ADAM12: variants seen among roughly 807,000 people sequenced by gnomAD.
ADAM12 encodes ADAM metallopeptidase domain 12, also known as disintegrin and metalloproteinase domain-containing protein 12.
Under a neutral mutation model 106.4 loss-of-function variants are expected in ADAM12, and 70 were observed. The observed-to-expected ratio is 0.66, with a 90% CI of 0.54 to 0.80. The LOEUF (loss-of-function observed/expected upper bound fraction) is 0.80, where lower values mean the gene tolerates loss of function less well. ADAM12 is among the 30% of genes least tolerant of loss of function. ADAM12 has a pLI of 0.00. For missense variants in ADAM12, 1,010 were observed against 1,171.9 expected, an observed-to-expected ratio of 0.86 and a Z score of 2.02; for synonymous variants, 420 against 433.5, an observed-to-expected ratio of 0.97 and a Z score of 0.39.
chr10:126,355,707 C>A (rs1330307417), intron 1 of ADAM12, among the ~76,000 whole-genome samples: 1 of 152,158 alleles, frequency 6.6e-6, no homozygotes, highest in Non-Finnish European at 1.5e-5. Context: ...CCCAGGAAGC[C>A]CACCTCAGTC....
intron 2 of ADAM12, among the ~76,000 whole-genome samples, chr10:126,316,286 C>T (rs1440239199): frequency 6.6e-6 from 1 of 152,102 alleles, no homozygotes; most frequent in Non-Finnish European, 1.5e-5. Flanking sequence ...AAAGGATTCT[C>T]AATAAATATT....
At chr10:126,224,541 A>C (rs1366316444) in intron 3 of ADAM12, among the ~76,000 whole-genome samples, 2 of 149,296 alleles carry the variant, frequency 1.3e-5, no homozygotes, top group East Asian at 4.1e-4. Flanking sequence ...ACTCTTGGGG[A>C]GGGGCCTGGG....
Position 126,015,786 on chromosome 10 carries a change from A to G in ADAM12, c.*1493T>C, listed in dbSNP as rs976960334. 1 of 152,246 alleles carries G rather than the reference A, an allele frequency of 6.6e-6. No homozygotes were observed. Among genetic ancestry groups the G allele is most frequent in the African/African-American group, 2.4e-5 (1 of 41,464 alleles). The allele number at this position is 152,246 out of a possible 1,614,324, so 9.4% of individuals were successfully genotyped here. ...AGAGTGAATTATGTAACTGTTGTCA[A>G]TTGTCTTCTAATGTGAAAACCAGTC... On this transcript the variant is annotated 3_prime_UTR_variant, in exon 23 of 23. Coordinates refer to ENST00000448723, the MANE Select transcript of ADAM12 (RefSeq NM_001288973.2).
chr10:126,358,104 G>A (rs969845424), intron 1 of ADAM12, among the ~76,000 whole-genome samples: 11 of 151,672 alleles, frequency 7.3e-5, no homozygotes, highest in African/African-American at 2.2e-4. Context: ...CATGAACCCC[G>A]GGGGGTGGAA....
chr10:126,278,683 G>C (rs974599062), intron 3 of ADAM12, among the ~76,000 whole-genome samples: 1 of 152,056 alleles, frequency 6.6e-6, no homozygotes, highest in African/African-American at 2.4e-5. Context: ...TAAAACATCA[G>C]AACTATGAAA....
Position 126,382,690 on chromosome 10 carries a change from T to G in ADAM12, c.88+5368A>C, listed in dbSNP as rs553571825. The stretch of plus-strand genomic sequence containing the variant: ...CTCTTTAATGCCCCGTTATTAAATA[T>G]CAACAGAGAGCCAAAAATCAGACAT... On this transcript the variant is annotated intron_variant, in intron 1 of 22. Transcript: ENST00000448723. Among the ~76,000 whole-genome samples, 407 of 152,260 alleles carry G rather than the reference T, an allele frequency of 2.7e-3. 2 individuals are homozygous for G. Among genetic ancestry groups the G allele is most frequent in the African/African-American group, 9.2e-3 (384 of 41,552 alleles).
chr10:126,089,844 T>TC (rs985753712), intron 11 of ADAM12, among the ~76,000 whole-genome samples: 2 of 152,106 alleles, frequency 1.3e-5, no homozygotes, highest in African/African-American at 2.4e-5. Context: ...CCTTTTGGCC[T>TC]CCCCCAAACC....
At chr10:126,167,912 A>G (rs529595819) in intron 3 of ADAM12, among the ~76,000 whole-genome samples, 1 of 152,304 alleles carries the variant, frequency 6.6e-6, no homozygotes, top group South Asian at 2.1e-4. Flanking sequence ...AAGTGTTAAG[A>G]AATGTGTTCA....
intron 1 of ADAM12, among the ~76,000 whole-genome samples, chr10:126,355,315 C>T (rs558109013): frequency 1.3e-5 from 2 of 152,298 alleles, no homozygotes; most frequent in South Asian, 4.1e-4. Context: ...AAATACATAT[C>T]TAAATCTCCG....
chr10:126,319,395 C>T (rs918355856), intron 2 of ADAM12, among the ~76,000 whole-genome samples: 2 of 152,152 alleles, frequency 1.3e-5, no homozygotes, highest in Non-Finnish European at 2.9e-5. Context: ...CAGTATGTCC[C>T]CTTGATATGG....
chr10:126,281,513 G>A (rs1483677438), intron 2 of ADAM12, among the ~76,000 whole-genome samples: 1 of 152,200 alleles, frequency 6.6e-6, no homozygotes, highest in Non-Finnish European at 1.5e-5. Context: ...ACATCTTGCA[G>A]AAGAACATAT....
At chr10:126,143,120 A>G (rs1353573458) in intron 4 of ADAM12, among the ~76,000 whole-genome samples, 1 of 150,286 alleles carries the variant, frequency 6.7e-6, no homozygotes, top group African/African-American at 2.5e-5. Flanking sequence ...ATGTGTGCAT[A>G]TGCATGTGTA....
intron 4 of ADAM12, among the ~76,000 whole-genome samples, chr10:126,150,704 T>C (rs1030055238): frequency 6.6e-6 from 1 of 152,204 alleles, no homozygotes; most frequent in Admixed American, 6.5e-5. Context: ...GAAATCTTCC[T>C]GTCTTCTGTC....
rs568995995 is a variant in ADAM12 at position 126,334,848 on chromosome 10, A to G, written c.89-4339T>C. On this transcript the variant is annotated intron_variant, in intron 1 of 22. Transcript: ENST00000448723. ...GAGACTGATGCAGCAGCTCTAAGACATACACAGTGAAGAGGGGACATCTTG... is the reference window on the plus strand; with the variant it reads ...GAGACTGATGCAGCAGCTCTAAGACGTACACAGTGAAGAGGGGACATCTTG... Among the ~76,000 whole-genome samples, 284 of 152,280 alleles carry G rather than the reference A, an allele frequency of 1.9e-3. 1 individual carries two copies. The highest frequency in any genetic ancestry group is 3.4e-3 in the Middle Eastern group (1 of 294).
chr10:126,035,311 TTTACCTCTCTAGAAC>T (rs1171486201), intron 21 of ADAM12, among the ~76,000 whole-genome samples: 4 of 152,160 alleles, frequency 2.6e-5, no homozygotes, highest in Non-Finnish European at 5.9e-5. Flanking sequence ...GGTCCCAAGA[TTTACCTCTCTAGAAC>T]TTTCTAACAG....
At chr10:126,112,327 T>C (rs189351745) in intron 6 of ADAM12, among the ~76,000 whole-genome samples, 8 of 151,182 alleles carry the variant, frequency 5.3e-5, no homozygotes, top group Non-Finnish European at 1.0e-4. Context: ...GTTTTGCACA[T>C]GTATCCTGTT....
At chr10:126,022,697 T>C (rs1398355657) in intron 21 of ADAM12, among the ~76,000 whole-genome samples, 1 of 152,232 alleles carries the variant, frequency 6.6e-6, no homozygotes, top group East Asian at 1.9e-4. Context: ...TCACCAAGCA[T>C]CATCTGAAGG....
At chr10:126,299,945 C>T (rs774859286) in intron 2 of ADAM12, among the ~76,000 whole-genome samples, 3 of 152,174 alleles carry the variant, frequency 2.0e-5, no homozygotes, top group Non-Finnish European at 4.4e-5. Flanking sequence ...GGCCCAGCCC[C>T]ACTCAACTTT....
At chr10:126,101,696 T>A (rs928773961) in intron 8 of ADAM12, among the ~76,000 whole-genome samples, 1 of 152,192 alleles carries the variant, frequency 6.6e-6, no homozygotes, top group Non-Finnish European at 1.5e-5. Flanking sequence ...TTACTGAAAA[T>A]GAATCTGTAT....
Sources: allele counts gnomAD v4.1 joint callset (sites outside exome capture counted in the v4.1 genomes callset), GRCh38; gene constraint gnomAD v4.1.1; transcripts MANE v1.5; gene names NCBI Gene and HGNC (gene_info 2026-07-23, HGNC 2026-07-21).